The following PDGFD variants were observed in gnomAD, a reference collection of about 807,000 sequenced individuals.
PDGFD encodes platelet-derived growth factor D.
A neutral mutation model predicts 44.7 loss-of-function variants in PDGFD; 30 were observed. The observed-to-expected ratio is 0.67, with a 90% CI of 0.50 to 0.91. PDGFD has a LOEUF of 0.91. Among genes scored for constraint, PDGFD ranks in the 40% least tolerant of loss-of-function variants. The pLI, the probability that PDGFD is intolerant of heterozygous loss-of-function variation, is 0.00. For synonymous variants in PDGFD, 173 were observed against 168.4 expected (o/e 1.03, Z -0.21); for missense variants, 445 against 457.8 (o/e 0.97, Z 0.25).
chr11:104,154,596 T>C (rs1862282129), intron 1 of PDGFD, among the ~76,000 whole-genome samples: 1 of 152,164 alleles, frequency 6.6e-6, no homozygotes, highest in Non-Finnish European at 1.5e-5. Flanking sequence ...AAAACAACTT[T>C]TGCGTATTGT....
chr11:104,109,704 A>T (rs1251619353), intron 1 of PDGFD, among the ~76,000 whole-genome samples: 1 of 152,210 alleles, frequency 6.6e-6, no homozygotes, highest in African/African-American at 2.4e-5. Flanking sequence ...CTATTAGCTA[A>T]TAATTAAAAT....
At chr11:103,950,025 C>T (rs534508174) in intron 3 of PDGFD, among the ~76,000 whole-genome samples, 5 of 152,194 alleles carry the variant, frequency 3.3e-5, no homozygotes, top group African/African-American at 1.2e-4. Flanking sequence ...ACACTATGTA[C>T]AGATGGAGAT....
At chr11:104,028,138 C>T (rs1020285210) in intron 1 of PDGFD, among the ~76,000 whole-genome samples, 2 of 148,728 alleles carry the variant, frequency 1.3e-5, no homozygotes, top group South Asian at 2.1e-4. Flanking sequence ...TGTAGTGAGC[C>T]GAGACCGTAC....
intron 5 of PDGFD, among the ~76,000 whole-genome samples, chr11:103,935,551 A>T (rs2134316832): frequency 6.6e-6 from 1 of 152,322 alleles, no homozygotes; most frequent in African/African-American, 2.4e-5. Context: ...AAAGTTTAGT[A>T]CTTGGAGATA....
intron 3 of PDGFD, among the ~76,000 whole-genome samples, chr11:103,954,050 T>C (rs568134670): frequency 2.0e-5 from 3 of 152,364 alleles, no homozygotes; most frequent in Non-Finnish European, 4.4e-5. Flanking sequence ...GGGGCTATAA[T>C]AACATTACAG....
chr11:103,992,364 T>C (rs1482443650), intron 3 of PDGFD, among the ~76,000 whole-genome samples: 4 of 152,220 alleles, frequency 2.6e-5, no homozygotes, highest in African/African-American at 4.8e-5. Flanking sequence ...GAGACAGATA[T>C]ATACATAATT....
intron 1 of PDGFD, among the ~76,000 whole-genome samples, chr11:104,017,144 G>A (rs541863570): frequency 2.0e-4 from 31 of 152,280 alleles, no homozygotes; most frequent in Middle Eastern, 6.8e-3. Flanking sequence ...TAGAGAGAAG[G>A]TGCCATCTAT....
At chr11:104,130,216 C>G (rs189027051) in intron 1 of PDGFD, among the ~76,000 whole-genome samples, 1 of 152,212 alleles carries the variant, frequency 6.6e-6, no homozygotes, top group East Asian at 1.9e-4. Context: ...CCTCTACATT[C>G]TAAGGTCATT....
At chr11:104,115,121 C>T (rs1861614058) in intron 1 of PDGFD, among the ~76,000 whole-genome samples, 1 of 151,668 alleles carries the variant, frequency 6.6e-6, no homozygotes, top group Non-Finnish European at 1.5e-5. Flanking sequence ...AGCTTAGCTC[C>T]CACTTATGAG....
At chr11:103,971,135 T>C (rs981829297) in intron 3 of PDGFD, among the ~76,000 whole-genome samples, 20 of 152,324 alleles carry the variant, frequency 1.3e-4, no homozygotes, top group African/African-American at 4.3e-4. Flanking sequence ...CTTTCAATCA[T>C]GTTTTGCTTT....
intron 1 of PDGFD, among the ~76,000 whole-genome samples, chr11:104,000,657 T>A (rs1859606652): frequency 6.6e-6 from 1 of 152,180 alleles, no homozygotes; most frequent in Admixed American, 6.5e-5. Flanking sequence ...TTGATGTCTG[T>A]CTAACTTTGT....
chr11:104,140,610 C>T (rs10895584), intron 1 of PDGFD, among the ~76,000 whole-genome samples: 20,750 of 151,874 alleles, frequency 0.14, 1,589 homozygotes, highest in East Asian at 0.29. Context: ...CTTTCTCCCT[C>T]TGGGAACCTC....
At chr11:104,045,137 A>C (rs1203389520) in intron 1 of PDGFD, among the ~76,000 whole-genome samples, 1 of 152,174 alleles carries the variant, frequency 6.6e-6, no homozygotes, top group Non-Finnish European at 1.5e-5. Flanking sequence ...TACTAGTGTT[A>C]GAAGCGGATT....
intron 1 of PDGFD, among the ~76,000 whole-genome samples, chr11:104,065,520 T>C (rs571608173): frequency 6.6e-6 from 1 of 152,104 alleles, no homozygotes; most frequent in Non-Finnish European, 1.5e-5. Context: ...TAACAGTTAC[T>C]GGCAAATAAA....
chr11:103,936,317 C>G (rs954527790), intron 5 of PDGFD, among the ~76,000 whole-genome samples: 1 of 152,110 alleles, frequency 6.6e-6, no homozygotes, highest in Non-Finnish European at 1.5e-5. Context: ...AATAGGCAGA[C>G]AGAGAAAATT....
chr11:104,070,420 C>A (rs904162867), intron 1 of PDGFD, among the ~76,000 whole-genome samples: 15 of 152,254 alleles, frequency 9.9e-5, no homozygotes, highest in East Asian at 5.8e-4. Flanking sequence ...AACTGAGAAA[C>A]CCACCTCCTG....
intron 1 of PDGFD, among the ~76,000 whole-genome samples, chr11:104,047,912 T>C (rs769158302): frequency 2.0e-5 from 3 of 152,122 alleles, no homozygotes; most frequent in Non-Finnish European, 4.4e-5. Context: ...CATTCATTCA[T>C]AGTTGGCCAA....
chr11:104,068,830 C>G (rs140087443), intron 1 of PDGFD, among the ~76,000 whole-genome samples: 6 of 152,058 alleles, frequency 3.9e-5, no homozygotes, highest in South Asian at 2.1e-4. Context: ...ACATATGCCT[C>G]TGTGTGTGTG....
At position 103,908,957 on chromosome 11, in the gene PDGFD, T is replaced by C. The variant is rs548216608; in HGVS notation, c.*737A>G. The C allele has an allele frequency of 2.6e-5, 4 of 152,338 alleles. No homozygotes were observed. The East Asian group carries it at 7.7e-4, about 29-fold the overall frequency. The allele number at this position is 152,338 out of a possible 1,614,324, so 9.4% of individuals were successfully genotyped here. On this transcript the variant is annotated 3_prime_UTR_variant, in exon 7 of 7. Coordinates refer to ENST00000393158, the MANE Select transcript of PDGFD (RefSeq NM_025208.5). ...AAACCTTCTAAGTAAGTTTTTGAGA[T>C]AGGTGTTAAATGAATAAGCATGCCT...
Sources: gnomAD v4.1 joint callset for allele counts (sites outside exome capture counted in the v4.1 genomes callset) on GRCh38, gnomAD v4.1.1 for gene constraint, MANE v1.5 for transcripts, NCBI Gene and HGNC (gene_info 2026-07-23, HGNC 2026-07-21) for gene names.